Variants in DEF6 observed in about 807,000 individuals in gnomAD.
DEF6 encodes differentially expressed in FDCP 6 homolog.
In DEF6, 32 loss-of-function variants were observed where a neutral mutation model predicts 80.5. The observed-to-expected ratio is 0.40, with a 90% CI of 0.30 to 0.53. DEF6 has a LOEUF of 0.53. Among genes scored for constraint, DEF6 ranks in the 20% least tolerant of loss-of-function variants. DEF6 has a pLI of 0.57. For synonymous variants in DEF6, 300 were observed against 337.9 expected (o/e 0.89, Z 1.23); for missense variants, 575 against 818.7 (o/e 0.70, Z 3.63).
Position 35,318,982 on chromosome 6 carries a change from C to G in DEF6, c.1215+511C>G, listed in dbSNP as rs1791555601. Among the ~76,000 whole-genome samples the G allele has an allele frequency of 6.6e-6, 1 of 152,056 alleles. No homozygotes were observed. Among genetic ancestry groups the G allele is most frequent in the South Asian group, 2.1e-4 (1 of 4,826 alleles). On this transcript the variant is annotated intron_variant, in intron 7 of 10. Transcript: ENST00000316637. This position sits in a 1 kb window ranked among gnomAD's most constrained non-coding sequence, Gnocchi z 5.1. ...GATTCAATCCTAGCTCTGCTTCTTA[C>G]GAGCCCCGTGATCCCAGGCAAGTTC... is the stretch of plus-strand genomic sequence containing the variant.
At chr6:35,311,825 G>A (rs1005614019) in intron 3 of DEF6, among the ~76,000 whole-genome samples, 1 of 152,194 alleles carries the variant, frequency 6.6e-6, no homozygotes, top group African/African-American at 2.4e-5. Flanking sequence ...CAGGGTTGGG[G>A]ATTGGGGCTT....
Position 35,318,062 on chromosome 6 carries a change from G to A in DEF6, c.916+63G>A. 6.4e-7 allele frequency: 1 copy of A among 1,566,476 alleles called. No individual in the cohort carries two copies. The highest frequency in any genetic ancestry group is 8.7e-7 in the Non-Finnish European group (1 of 1,154,918). Reference sequence around the variant, plus strand: ...TTAGGCGCCTCATCTGTGAAAAGGGGGTGATAATACTTTGTCCAGCGGGAG... The same window carrying A: ...TTAGGCGCCTCATCTGTGAAAAGGGAGTGATAATACTTTGTCCAGCGGGAG... On this transcript the variant is annotated intron_variant, in intron 6 of 10. Coordinates refer to ENST00000316637, the MANE Select transcript of DEF6 (RefSeq NM_022047.4). The surrounding 1 kb of genome is among the most constrained non-coding windows in gnomAD (Gnocchi z 5.1).
At chr6:35,306,245 T>C (rs1791388598) in intron 1 of DEF6, among the ~76,000 whole-genome samples, 1 of 148,370 alleles carries the variant, frequency 6.7e-6, no homozygotes, top group Non-Finnish European at 1.5e-5. Flanking sequence ...GCGCGGTGGC[T>C]CATGCCTGTA....
rs1791254840 is a variant in DEF6 at position 35,297,837 on chromosome 6, GC to G, written c.-18del. On this transcript the variant is annotated 5_prime_UTR_variant, in exon 1 of 11. Transcript: ENST00000316637. ...GATCTTAGTGTCAGAGCCGCCCCCAGCCGGGCGGGCGCCTCAGCCATGGCCC... is the reference window on the plus strand; with the variant it reads ...GATCTTAGTGTCAGAGCCGCCCCCAGCGGGCGGGCGCCTCAGCCATGGCCC... 3 of 1,574,826 alleles carry G rather than the reference GC, an allele frequency of 1.9e-6. No homozygotes were observed. Among genetic ancestry groups the G allele is most frequent in the East Asian group, 4.6e-5 (2 of 43,694 alleles).
At position 35,307,114 on chromosome 6, in the gene DEF6, G is replaced by T. The variant is rs538255354; in HGVS notation, c.97-2556G>T. Among the ~76,000 whole-genome samples, 4 of 152,278 alleles carry T rather than the reference G, an allele frequency of 2.6e-5. No homozygotes were observed. The South Asian group carries it at 8.3e-4, about 32-fold the overall frequency. ...AGGTTGGATGATTAGAAATGCTGGG[G>T]TGGCCGGGCGCAGTGGCTCACGCCC... is the stretch of plus-strand genomic sequence containing the variant. On this transcript the variant is annotated intron_variant, in intron 1 of 10. Coordinates refer to ENST00000316637, the MANE Select transcript of DEF6 (RefSeq NM_022047.4).
chr6:35,317,817 T>A (rs748068384), intron 5 of DEF6, 74 bp from the exon 6 acceptor site: 21 of 1,346,218 alleles, frequency 1.6e-5, no homozygotes, highest in Non-Finnish European at 2.2e-5. Flanking sequence ...GGGCTTGAGC[T>A]GGAGCACCCT....
Position 35,319,325 on chromosome 6 carries a change from C to A in DEF6, c.1216-199C>A, listed in dbSNP as rs1582234854. On this transcript the variant is annotated intron_variant, in intron 7 of 10. Transcript: ENST00000316637. This position sits in a 1 kb window ranked among gnomAD's most constrained non-coding sequence, Gnocchi z 4.5. ...AAGGAAATAACTTGAGCCCGTTTCC[C>A]CCACGTGGCATCTGTTCACCGACCA... Among the ~76,000 whole-genome samples, 1 of 151,990 alleles carries A rather than the reference C, an allele frequency of 6.6e-6. No individual in the cohort carries two copies. The highest frequency in any genetic ancestry group is 1.9e-4 in the East Asian group (1 of 5,170).
At chr6:35,309,937 C>T (rs928721322) in intron 2 of DEF6, 127 bp downstream of exon 2, 27 of 1,141,010 alleles carry the variant, frequency 2.4e-5, no homozygotes, top group Admixed American at 2.0e-4. Context: ...CTGCTCTGTC[C>T]GTGACTGCTG....
chr6:35,299,971 C>T (rs948571610), intron 1 of DEF6, among the ~76,000 whole-genome samples: 2 of 152,172 alleles, frequency 1.3e-5, no homozygotes, highest in Admixed American at 6.5e-5. Context: ...GGGCCCACCT[C>T]TCCCCAGAAA....
chr6:35,309,669 G>T lies in DEF6; in HGVS notation c.97-1G>T. The T allele has an allele frequency of 6.2e-7, 1 of 1,613,704 alleles. No individual in the cohort carries two copies. Among genetic ancestry groups the T allele is most frequent in the Non-Finnish European group, 8.5e-7 (1 of 1,179,812 alleles). ...CACACTGCCACTCTACTCTATCCCAGGTGCTGTCCCACAACCTGTACACGG... is the reference window on the plus strand; with the variant it reads ...CACACTGCCACTCTACTCTATCCCATGTGCTGTCCCACAACCTGTACACGG... On this transcript the variant is annotated splice_acceptor_variant, in intron 1 of 10. Transcript: ENST00000316637. LOFTEE classifies it high-confidence loss of function.
At chr6:35,311,859 CAGG>C (rs1231843306) in intron 3 of DEF6, among the ~76,000 whole-genome samples, 8 of 152,216 alleles carry the variant, frequency 5.3e-5, no homozygotes, top group African/African-American at 1.9e-4. Context: ...GAATGGGATT[CAGG>C]AGATCAGAAT....
chr6:35,315,952 G>A (rs1582233267), intron 5 of DEF6, among the ~76,000 whole-genome samples: 1 of 141,220 alleles, frequency 7.1e-6, no homozygotes, highest in East Asian at 2.2e-4. Context: ...TCCGCCTCCC[G>A]AGTTCAAGTG....
At position 35,318,111 on chromosome 6, in the gene DEF6, T is replaced by G. The variant is rs1160724502; in HGVS notation, c.917-62T>G. ...AGGTTGGAGAGTGGACTCGGGAAAC[T>G]CCTAAGGCCCCTTTCGGGCCGTGTG... On this transcript the variant is annotated intron_variant, in intron 6 of 10. Transcript: ENST00000316637. This position sits in a 1 kb window ranked among gnomAD's most constrained non-coding sequence, Gnocchi z 5.1. The G allele has an allele frequency of 1.3e-6, 2 of 1,536,116 alleles. No individual in the cohort carries two copies. The highest frequency in any genetic ancestry group is 1.8e-6 in the Non-Finnish European group (2 of 1,142,148).
rs1435471180 is a variant in DEF6, at chr6:35,299,529, T to G, written c.96+1577T>G. On this transcript the variant is annotated intron_variant, in intron 1 of 10. Transcript: ENST00000316637. ...GGTGCCATCAGCCAGTAAAGCCTCC[T>G]AGCTTGAGCCTCTGTCTTGCCCTCT... is the stretch of plus-strand genomic sequence containing the variant. Among the ~76,000 whole-genome samples, 5 of 152,146 alleles carry G rather than the reference T, an allele frequency of 3.3e-5. No individual in the cohort carries two copies. In the East Asian group the frequency reaches 9.6e-4, roughly 29 times the overall value.
intron 5 of DEF6, among the ~76,000 whole-genome samples, chr6:35,315,828 C>T (rs902551054): frequency 4.8e-5 from 7 of 144,498 alleles, no homozygotes; most frequent in Non-Finnish European, 9.0e-5. Flanking sequence ...TCAACTCTAA[C>T]GGTTTTTTGT....
chr6:35,308,974 A>G (rs745673627), intron 1 of DEF6, among the ~76,000 whole-genome samples: 2 of 152,150 alleles, frequency 1.3e-5, no homozygotes, highest in African/African-American at 4.8e-5. Context: ...TTTCCCCTGC[A>G]CACCATTATG....
Position 35,312,619 on chromosome 6 carries a change from C to T in DEF6, c.661-7C>T. The T allele has an allele frequency of 6.2e-7, 1 of 1,614,216 alleles. No homozygotes were observed. Among genetic ancestry groups the T allele is most frequent in the Non-Finnish European group, 8.5e-7 (1 of 1,180,036 alleles). ...TGGGAAGCCTCTGACGTAACTCCGG[C>T]TGGCAGGGCTACCTGTGGAAGCGAG... On this transcript the variant is annotated splice_polypyrimidine_tract_variant and splice_region_variant and intron_variant, in intron 4 of 10. Transcript: ENST00000316637. This position sits in a 1 kb window ranked among gnomAD's most constrained non-coding sequence, Gnocchi z 6.6.
In DEF6 at chr6:35,312,286, C is replaced by G; in HGVS notation, c.424-16C>G. The G allele has an allele frequency of 6.2e-7, 1 of 1,610,290 alleles. No homozygotes were observed. The highest frequency in any genetic ancestry group is 8.5e-7 in the Non-Finnish European group (1 of 1,177,238). ...CCACCTGCTGCAGCTACCAGGCCTT[C>G]CTTCTCCTGCTCCAGGTGGAATACC... is the stretch of plus-strand genomic sequence containing the variant. On this transcript the variant is annotated splice_polypyrimidine_tract_variant and intron_variant, in intron 3 of 10. Transcript: ENST00000316637. This position sits in a 1 kb window ranked among gnomAD's most constrained non-coding sequence, Gnocchi z 6.6.
chr6:35,319,751 TC>T lies in DEF6; in HGVS notation c.1382+63del. 1 of 1,610,706 alleles carries T rather than the reference TC, an allele frequency of 6.2e-7. No individual in the cohort carries two copies. ...CCCCTCCTGGAACACACCCCAGTTT[TC>T]CTGCTTGCTGTGCACCTGCAAGGTG... is the stretch of plus-strand genomic sequence containing the variant. On this transcript the variant is annotated intron_variant, in intron 8 of 10. Transcript: ENST00000316637. The surrounding 1 kb of genome is among the most constrained non-coding windows in gnomAD (Gnocchi z 4.5).
Sources: gnomAD v4.1 joint callset for allele counts (sites outside exome capture counted in the v4.1 genomes callset) on GRCh38, gnomAD v4.1.1 for gene constraint, Gnocchi (gnomAD v3.1) non-coding constraint, MANE v1.5 for transcripts, NCBI Gene and HGNC (gene_info 2026-07-23, HGNC 2026-07-21) for gene names.